The following ZNF676 variants were observed in gnomAD, a reference collection of about 807,000 sequenced individuals.
The protein encoded by ZNF676 is zinc finger protein 676.
A neutral mutation model predicts 6.0 loss-of-function variants in ZNF676; 4 were observed. The observed-to-expected ratio is 0.67, with a 90% CI of 0.33 to 1.53. The LOEUF is 1.53. Among genes scored for constraint, ZNF676 ranks in the 40% most tolerant of loss-of-function variants. The probability of loss-of-function intolerance (pLI) is 0.06; values close to 1 mark genes in which losing one functional copy is unlikely to be tolerated. For missense variants in ZNF676, 644 were observed against 679.7 expected (o/e 0.95, Z 0.58); for synonymous variants, 198 against 223.1 (o/e 0.89, Z 1.00).
the ZNF676 span, among the ~76,000 whole-genome samples, chr19:22,259,447 T>C: frequency 2.6e-5 from 4 of 152,150 alleles, no homozygotes; most frequent in East Asian, 1.9e-4. Context: ...AAGTCTCACA[T>C]CATCTAGGAG....
the ZNF676 span, among the ~76,000 whole-genome samples, chr19:22,258,579 AC>A: frequency 1.3e-5 from 2 of 152,338 alleles, no homozygotes; most frequent in East Asian, 3.9e-4. Context: ...TCACAGCGAT[AC>A]GTCAGAATGC....
chr19:22,210,880 T>C (rs2024123100), intron 1 of ZNF676, among the ~76,000 whole-genome samples: 1 of 152,166 alleles, frequency 6.6e-6, no homozygotes, highest in Non-Finnish European at 1.5e-5. Flanking sequence ...AGATTCAGTG[T>C]CTGAAGAACA....
At chr19:22,238,803 C>T in the ZNF676 span, among the ~76,000 whole-genome samples, 1 of 152,164 alleles carries the variant, frequency 6.6e-6, no homozygotes, top group Non-Finnish European at 1.5e-5. Flanking sequence ...CAGGAAGCAT[C>T]CAGCACAGGA....
intron 2 of ZNF676, among the ~76,000 whole-genome samples, chr19:22,187,366 A>G (rs2023852534): frequency 6.6e-6 from 1 of 152,208 alleles, no homozygotes; most frequent in African/African-American, 2.4e-5. Context: ...GACACAGACA[A>G]AGCAGCAGTG....
At chr19:22,221,364 A>G in the ZNF676 span, among the ~76,000 whole-genome samples, 1 of 152,072 alleles carries the variant, frequency 6.6e-6, no homozygotes, top group Non-Finnish European at 1.5e-5. Flanking sequence ...ATTTTCATGT[A>G]TTTGTATGGT....
At chr19:22,232,263 G>A in the ZNF676 span, among the ~76,000 whole-genome samples, 1 of 151,906 alleles carries the variant, frequency 6.6e-6, no homozygotes, top group African/African-American at 2.4e-5. Context: ...CACCTCCCAG[G>A]TTCAAGTGAT....
chr19:22,184,667 C>T (rs11881010), intron 2 of ZNF676, among the ~76,000 whole-genome samples: 6,072 of 151,784 alleles, frequency 0.04, 398 homozygotes, highest in African/African-American at 0.14. Flanking sequence ...ACCTGGGAAG[C>T]TCGAGCTTGG....
chr19:22,242,842 T>TCG, the ZNF676 span, among the ~76,000 whole-genome samples: 2 of 136,892 alleles, frequency 1.5e-5, no homozygotes, highest in African/African-American at 5.3e-5. Flanking sequence ...ATTACCCAAG[T>TCG]TGGGGGGGGG....
At chr19:22,189,600 A>C (rs963957824) in intron 2 of ZNF676, among the ~76,000 whole-genome samples, 1 of 152,180 alleles carries the variant, frequency 6.6e-6, no homozygotes, top group Non-Finnish European at 1.5e-5. Context: ...AGAATGGGAG[A>C]AAAATTTTGC....
the ZNF676 span, among the ~76,000 whole-genome samples, chr19:22,257,782 C>G: frequency 6.6e-6 from 1 of 152,166 alleles, no homozygotes; most frequent in Non-Finnish European, 1.5e-5. Flanking sequence ...CCCTGAGGAG[C>G]AGGCTCAGGC....
chr19:22,204,565 T>C (rs1464298291), intron 1 of ZNF676, among the ~76,000 whole-genome samples: 1 of 152,230 alleles, frequency 6.6e-6, no homozygotes, highest in Non-Finnish European at 1.5e-5. Flanking sequence ...CACTGAACTC[T>C]TCTGGCTTTC....
chr19:22,215,581 T>G, intron 1 of ZNF676: 1 of 1,602,622 alleles, frequency 6.2e-7, no homozygotes, highest in Non-Finnish European at 8.5e-7. Flanking sequence ...TTCCCGCCGG[T>G]TCCAACCAGC....
Position 22,179,833 on chromosome 19 carries a change from G to C in ZNF676, c.*117C>G. 1 of 1,159,148 alleles carries C rather than the reference G, an allele frequency of 8.6e-7. No homozygotes were observed. Among genetic ancestry groups the C allele is most frequent in the Admixed American group, 2.0e-5 (1 of 51,176 alleles). The allele number at this position is 1,159,148 out of a possible 1,614,324, so 71.8% of individuals were successfully genotyped here. On this transcript the variant is annotated 3_prime_UTR_variant, in exon 3 of 3. Transcript: ENST00000397121. ...TTTCTTATGTGTAATAAAGATTGAG[G>C]ACTGTTTAAAAGCTTTGCCACATTC...
At chr19:22,247,768 C>T in the ZNF676 span, among the ~76,000 whole-genome samples, 5 of 152,248 alleles carry the variant, frequency 3.3e-5, no homozygotes, top group East Asian at 9.7e-4. Context: ...GATTAATTTT[C>T]CCTGTGCTCT....
chr19:22,218,838 T>C (rs1255712579), upstream of ZNF676, among the ~76,000 whole-genome samples: 4 of 152,146 alleles, frequency 2.6e-5, no homozygotes, highest in African/African-American at 7.2e-5. Context: ...TTTATACCCA[T>C]ACAATGCTGT....
At chr19:22,205,410 A>T (rs1462267153) in intron 1 of ZNF676, among the ~76,000 whole-genome samples, 1 of 152,170 alleles carries the variant, frequency 6.6e-6, no homozygotes, top group Non-Finnish European at 1.5e-5. Flanking sequence ...AATCAGAAAA[A>T]AAACAATTCT....
chr19:22,198,054 T>A (rs1251623356), upstream of ZNF676, among the ~76,000 whole-genome samples: 4 of 152,192 alleles, frequency 2.6e-5, no homozygotes, highest in Non-Finnish European at 5.9e-5. Context: ...CAATTTTTTT[T>A]AGAATTTTCT....
the ZNF676 span, among the ~76,000 whole-genome samples, chr19:22,232,907 A>C: frequency 2.2e-4 from 33 of 152,316 alleles, no homozygotes; most frequent in East Asian, 5.8e-3. Context: ...AAAAGTTCAC[A>C]CTACATTTTG....
At chr19:22,242,960 G>A in the ZNF676 span, among the ~76,000 whole-genome samples, 8 of 151,894 alleles carry the variant, frequency 5.3e-5, no homozygotes, top group Non-Finnish European at 1.0e-4. Flanking sequence ...CTAGGTGATG[G>A]GCCCAGAAAT....
Sources: allele counts gnomAD v4.1 joint callset (sites outside exome capture counted in the v4.1 genomes callset), GRCh38; gene constraint gnomAD v4.1.1; transcripts MANE v1.5; gene names NCBI Gene and HGNC (gene_info 2026-07-23, HGNC 2026-07-21).